Variants in EIF5B observed in about 807,000 individuals in gnomAD.
EIF5B encodes eIF-5B.
In EIF5B, 47 loss-of-function variants were observed where a neutral mutation model predicts 147.5. The observed-to-expected ratio is 0.32, with a 90% CI of 0.25 to 0.41. The LOEUF is 0.41. Among genes scored for constraint, EIF5B ranks in the 10% least tolerant of loss-of-function variants. The probability of loss-of-function intolerance (pLI) is 1.00; values close to 1 mark genes in which losing one functional copy is unlikely to be tolerated. For synonymous variants in EIF5B, 455 were observed against 456.2 expected (o/e 1.00, Z 0.03); for missense variants, 1,064 against 1,413.2 (o/e 0.75, Z 3.96).
chr2:99,397,026 C>T, intron 22 of EIF5B, 128 bp downstream of exon 22: 1 of 1,053,060 alleles, frequency 9.5e-7, no homozygotes. Context: ...TGGTCTCCAC[C>T]TTCTTAACAA....
At chr2:99,363,038 T>C (rs12989521) in intron 4 of EIF5B, among the ~76,000 whole-genome samples, 126,543 of 152,064 alleles carry the variant, frequency 0.83, 53,234 homozygotes, top group Middle Eastern at 0.98. Context: ...GGATTACAGG[T>C]GTGAGCCACC....
chr2:99,338,051 A>G (rs1314773045), intron 1 of EIF5B, among the ~76,000 whole-genome samples: 1 of 152,124 alleles, frequency 6.6e-6, no homozygotes, highest in Non-Finnish European at 1.5e-5. Flanking sequence ...GGTACGTTAG[A>G]GTTATGGGGA....
In EIF5B at chr2:99,390,645, C is replaced by T. The variant is rs776172041; in HGVS notation, c.2688C>T (p.Pro896=). ...DTIIVPGVEG[P]IVTQIRGLLL... ...TCATTGTTCCTGGAGTAGAAGGGCC[C>T]ATTGTAACTCAGATTCGAGGCCTCC... Residue 896 remains proline, a synonymous_variant, in exon 17 of 24, where the codon CCC becomes CCT. Coordinates refer to ENST00000289371, the MANE Select transcript of EIF5B (RefSeq NM_015904.4). The T allele has an allele frequency of 1.9e-6, 3 of 1,611,750 alleles. No homozygotes were observed. Among genetic ancestry groups the T allele is most frequent in the Non-Finnish European group, 2.5e-6 (3 of 1,178,088 alleles).
chr2:99,362,947 T>TG (rs754286778), intron 4 of EIF5B, among the ~76,000 whole-genome samples: 1 of 151,740 alleles, frequency 6.6e-6, no homozygotes, highest in Non-Finnish European at 1.5e-5. Flanking sequence ...TTAGTAGAGA[T>TG]GGGGTTTCGT....
chr2:99,384,508 A>G (rs1340563299), intron 14 of EIF5B, among the ~76,000 whole-genome samples: 2 of 152,244 alleles, frequency 1.3e-5, no homozygotes, highest in Non-Finnish European at 2.9e-5. Flanking sequence ...TAAGAAATAC[A>G]TTTTATACGG....
intron 6 of EIF5B, among the ~76,000 whole-genome samples, chr2:99,366,100 CAT>C (rs1491321240): frequency 2.8e-5 from 4 of 142,738 alleles, no homozygotes; most frequent in African/African-American, 1.0e-4. Flanking sequence ...CACACACACA[CAT>C]ATATGAGTAC....
At position 99,379,305 on chromosome 2, in the gene EIF5B, T is replaced by C. The variant is rs1261350087; in HGVS notation, c.1951-13T>C. 22 of 1,595,886 alleles carry C rather than the reference T, an allele frequency of 1.4e-5. No homozygotes were observed. Among genetic ancestry groups the C allele is most frequent in the Non-Finnish European group, 1.9e-5 (22 of 1,169,344 alleles). ...TGTTCAAATACCAATCTGTATTTGC[T>C]GTCTTCTCATAGCTCCGTCACACAC... On this transcript the variant is annotated splice_polypyrimidine_tract_variant and intron_variant, in intron 11 of 23. Transcript: ENST00000289371.
intron 14 of EIF5B, among the ~76,000 whole-genome samples, chr2:99,385,586 AAGAAGATATAATGCTG>A (rs1358799586): frequency 6.6e-6 from 1 of 152,194 alleles, no homozygotes; most frequent in African/African-American, 2.4e-5. Context: ...TGCTTTTTTT[AAGAAGATATAATGCTG>A]TCACACACTT....
chr2:99,346,694 T>C (rs867395554), intron 1 of EIF5B, among the ~76,000 whole-genome samples: 80 of 136,932 alleles, frequency 5.8e-4, no homozygotes, highest in African/African-American at 2.0e-3. Context: ...CCTCAGCCTC[T>C]CGAGTAGCTG....
intron 14 of EIF5B, among the ~76,000 whole-genome samples, chr2:99,388,563 G>A (rs978196711): frequency 2.0e-5 from 3 of 151,960 alleles, no homozygotes; most frequent in South Asian, 2.1e-4. Flanking sequence ...CTTTTCCTGC[G>A]TATGTAGAGA....
At chr2:99,362,630 C>T (rs1424443246) in intron 4 of EIF5B, among the ~76,000 whole-genome samples, 2 of 152,022 alleles carry the variant, frequency 1.3e-5, no homozygotes, top group Non-Finnish European at 1.5e-5. Flanking sequence ...ACCCAGGAGG[C>T]GGAGCTTGCA....
chr2:99,355,788 T>C (rs1674085119), intron 1 of EIF5B, among the ~76,000 whole-genome samples: 1 of 151,958 alleles, frequency 6.6e-6, no homozygotes, highest in Admixed American at 6.6e-5. Flanking sequence ...AATTTTTGTA[T>C]TTTTAGTAGA....
At position 99,393,358 on chromosome 2, in the gene EIF5B, G is replaced by A. The variant is rs533087175; in HGVS notation, c.2880+260G>A. 1.7e-4 allele frequency among the ~76,000 whole-genome samples: 26 copies of A among 152,120 alleles called. No homozygotes were observed. In the South Asian group the frequency reaches 3.9e-3, roughly 23 times the overall value. ...AAAAATGAGTCAAAAGCTAGAAGTC[G>A]GCTGGGCATGGTGAATGCACACCTG... On this transcript the variant is annotated intron_variant, in intron 18 of 23. Coordinates refer to ENST00000289371, the MANE Select transcript of EIF5B (RefSeq NM_015904.4).
rs149285717 is a variant in EIF5B, at chr2:99,344,404, T to TTTGTTGTTG, written c.35+6839_35+6847dup. The stretch of plus-strand genomic sequence containing the variant: ...GTCTGTGTCAGTGTTGCCACCACAG[T>TTTGTTGTTG]TTGTTGTTGTTGTTGTTGTTGTTGT... On this transcript the variant is annotated intron_variant, in intron 1 of 23. Transcript: ENST00000289371. Among the ~76,000 whole-genome samples, 331 of 149,508 alleles carry TTTGTTGTTG rather than the reference T, an allele frequency of 2.2e-3. 2 individuals carry two copies. Among genetic ancestry groups the TTTGTTGTTG allele is most frequent in the Middle Eastern group, 0.014 (4 of 286 alleles).
chr2:99,383,713 C>T (rs1391125113), intron 14 of EIF5B, among the ~76,000 whole-genome samples: 1 of 152,170 alleles, frequency 6.6e-6, no homozygotes, highest in African/African-American at 2.4e-5. Flanking sequence ...TCCAGAAACT[C>T]TAGCTGAGAT....
At chr2:99,388,214 TTGTTA>T (rs1674851158) in intron 14 of EIF5B, among the ~76,000 whole-genome samples, 1 of 152,210 alleles carries the variant, frequency 6.6e-6, no homozygotes, top group African/African-American at 2.4e-5. Flanking sequence ...TCTAAGTATG[TTGTTA>T]TGTTATCTGC....
At chr2:99,340,858 C>T (rs2094257853) in intron 1 of EIF5B, among the ~76,000 whole-genome samples, 2 of 152,142 alleles carry the variant, frequency 1.3e-5, no homozygotes, top group African/African-American at 2.4e-5. Context: ...CAACCTCCGC[C>T]TCCTGGGCTC....
intron 8 of EIF5B, among the ~76,000 whole-genome samples, chr2:99,370,474 G>A (rs901239775): frequency 2.0e-5 from 3 of 152,144 alleles, no homozygotes; most frequent in African/African-American, 7.2e-5. Flanking sequence ...TCTTCTGAGC[G>A]AATAGGATCA....
Position 99,346,260 on chromosome 2 carries a change from A to T in EIF5B, c.35+8671A>T, listed in dbSNP as rs2094273203. ...AGGGTGACCATGAGGAATATTTGAGATCTTCAGTTGCTCCTGTATTGCCAA... is the reference window on the plus strand; with the variant it reads ...AGGGTGACCATGAGGAATATTTGAGTTCTTCAGTTGCTCCTGTATTGCCAA... On this transcript the variant is annotated intron_variant, in intron 1 of 23. Transcript: ENST00000289371. Among the ~76,000 whole-genome samples, 3 of 152,164 alleles carry T rather than the reference A, an allele frequency of 2.0e-5. No homozygotes were observed. The South Asian group carries it at 6.2e-4, about 31-fold the overall frequency.
Sources: allele counts gnomAD v4.1 joint callset (sites outside exome capture counted in the v4.1 genomes callset), GRCh38; gene constraint gnomAD v4.1.1; transcripts MANE v1.5; gene names NCBI Gene and HGNC (gene_info 2026-07-23, HGNC 2026-07-21).